GULP1: variants seen among roughly 807,000 people sequenced by gnomAD.
GULP1 encodes the protein GULP PTB domain containing engulfment adaptor 1, also known as PTB domain-containing engulfment adapter protein 1.
GULP1 carries 19 observed loss-of-function variants against 40.9 expected under a neutral mutation model. That is an observed-to-expected ratio of 0.46 (90% confidence interval 0.32 to 0.68). GULP1 has a LOEUF of 0.68. Among genes scored for constraint, GULP1 ranks in the 30% least tolerant of loss-of-function variants. The pLI is 0.03. For missense variants in GULP1, 312 were observed against 362.2 expected (o/e 0.86, Z 1.12); for synonymous variants, 119 against 117.6 (o/e 1.01, Z -0.08).
intron 2 of GULP1, among the ~76,000 whole-genome samples, chr2:188,412,315 CG>C (rs1420259134): frequency 1.3e-5 from 2 of 152,074 alleles, no homozygotes; most frequent in Non-Finnish European, 2.9e-5. Flanking sequence ...TTACCTCCCA[CG>C]GGTAATTTAA....
chr2:188,366,129 AG>A (rs1421794485), intron 1 of GULP1, among the ~76,000 whole-genome samples: 1 of 152,144 alleles, frequency 6.6e-6, no homozygotes, highest in Non-Finnish European at 1.5e-5. Context: ...AAGAAAAGAC[AG>A]CATAGGAGAA....
At chr2:188,329,584 G>C (rs2041266175) in intron 1 of GULP1, among the ~76,000 whole-genome samples, 1 of 152,218 alleles carries the variant, frequency 6.6e-6, no homozygotes, top group Non-Finnish European at 1.5e-5. Context: ...AGAATGAGGT[G>C]GGAAGATCAC....
At chr2:188,592,070 T>C (rs1316260601) in intron 11 of GULP1, 1 of 151,962 alleles carries the variant, frequency 6.6e-6, no homozygotes, top group Non-Finnish European at 1.5e-5. Context: ...ATAGATATTA[T>C]TGTAAGTCAT....
chr2:188,446,459 C>T (rs1404427241), intron 2 of GULP1, among the ~76,000 whole-genome samples: 1 of 152,122 alleles, frequency 6.6e-6, no homozygotes, highest in African/African-American at 2.4e-5. Context: ...AAATGGAATC[C>T]AAGTTTGGCT....
At chr2:188,503,548 A>G (rs942358775) in intron 4 of GULP1, among the ~76,000 whole-genome samples, 31 of 151,976 alleles carry the variant, frequency 2.0e-4, no homozygotes, top group African/African-American at 5.8e-4. Flanking sequence ...CCCTCGACAC[A>G]TGAAGATTAC....
chr2:188,453,386 C>T (rs2058994545), intron 2 of GULP1, among the ~76,000 whole-genome samples: 1 of 151,990 alleles, frequency 6.6e-6, no homozygotes, highest in South Asian at 2.1e-4. Context: ...ATCTTTTGCC[C>T]CCTTTAGGCC....
chr2:188,427,680 G>T (rs994560029), intron 2 of GULP1, among the ~76,000 whole-genome samples: 12 of 152,196 alleles, frequency 7.9e-5, no homozygotes, highest in African/African-American at 2.9e-4. Flanking sequence ...AGGCTTGAGA[G>T]CCTCTGCCTA....
At chr2:188,365,695 T>C (rs2046691227) in intron 1 of GULP1, among the ~76,000 whole-genome samples, 1 of 152,116 alleles carries the variant, frequency 6.6e-6, no homozygotes, top group Non-Finnish European at 1.5e-5. Context: ...GTAAAGATAG[T>C]CCAGGCCTGA....
chr2:188,396,935 T>G (rs935565992), intron 2 of GULP1, among the ~76,000 whole-genome samples: 2 of 152,146 alleles, frequency 1.3e-5, no homozygotes, highest in African/African-American at 4.8e-5. Context: ...TAAATTAGTC[T>G]CAGCACTGGT....
At chr2:188,443,952 CT>C (rs563613726) in intron 2 of GULP1, among the ~76,000 whole-genome samples, 6 of 151,218 alleles carry the variant, frequency 4.0e-5, no homozygotes, top group African/African-American at 1.2e-4. Context: ...AGTCAATTGC[CT>C]TTTTTTTTCC....
chr2:188,578,692 T>C (rs1476124283), intron 9 of GULP1, among the ~76,000 whole-genome samples: 1 of 152,108 alleles, frequency 6.6e-6, no homozygotes, highest in East Asian at 1.9e-4. Flanking sequence ...ATAATTCAGA[T>C]ACTGTGCATG....
chr2:188,400,141 CT>C (rs922146761), intron 2 of GULP1, among the ~76,000 whole-genome samples: 4 of 152,054 alleles, frequency 2.6e-5, no homozygotes, highest in South Asian at 2.1e-4. Flanking sequence ...GAGGATCCTT[CT>C]TTTTTTTCCA....
At chr2:188,507,911 A>G (rs1036614713) in intron 4 of GULP1, among the ~76,000 whole-genome samples, 2 of 151,974 alleles carry the variant, frequency 1.3e-5, no homozygotes, top group African/African-American at 4.8e-5. Flanking sequence ...TATCATGAAA[A>G]ATAGGTATAG....
chr2:188,396,441 G>C (rs2051286093), intron 2 of GULP1, among the ~76,000 whole-genome samples: 1 of 152,224 alleles, frequency 6.6e-6, no homozygotes, highest in African/African-American at 2.4e-5. Context: ...CATATGCGGA[G>C]CGGGGAGTAA....
intron 2 of GULP1, among the ~76,000 whole-genome samples, chr2:188,394,134 T>G (rs1051343927): frequency 1.4e-5 from 2 of 145,626 alleles, no homozygotes; most frequent in Non-Finnish European, 2.9e-5. Flanking sequence ...AGCTTTTTGC[T>G]TTCTCTTCTC....
chr2:188,384,845 A>T (rs2049465777), intron 2 of GULP1, among the ~76,000 whole-genome samples: 1 of 152,202 alleles, frequency 6.6e-6, no homozygotes, highest in Admixed American at 6.5e-5. Context: ...ATCTCCTTTG[A>T]TGCTATGTCT....
At chr2:188,565,435 A>C (rs10199260) in intron 7 of GULP1, among the ~76,000 whole-genome samples, 8,919 of 152,062 alleles carry the variant, frequency 0.059, 665 homozygotes, top group African/African-American at 0.17. Flanking sequence ...TGAACACACG[A>C]AACTGAGCAA....
At chr2:188,420,520 C>G (rs772168438) in intron 2 of GULP1, among the ~76,000 whole-genome samples, 3 of 152,210 alleles carry the variant, frequency 2.0e-5, no homozygotes, top group Non-Finnish European at 4.4e-5. Context: ...ACAGCTCTTT[C>G]ACTCCGACAG....
chr2:188,385,939 C>T (rs901713637), intron 2 of GULP1, among the ~76,000 whole-genome samples: 10 of 152,298 alleles, frequency 6.6e-5, no homozygotes, highest in African/African-American at 2.4e-4. Context: ...TCCAAACTTT[C>T]CCACATTCTC....
Sources: gnomAD v4.1 joint callset for allele counts (sites outside exome capture counted in the v4.1 genomes callset) on GRCh38, gnomAD v4.1.1 for gene constraint, MANE v1.5 for transcripts, NCBI Gene and HGNC (gene_info 2026-07-23, HGNC 2026-07-21) for gene names.